Variants in PRIM2 observed in about 807,000 individuals in gnomAD.
PRIM2 encodes the protein DNA primase large subunit.
In PRIM2, 39 loss-of-function variants were observed where a neutral mutation model predicts 67.3. That is an observed-to-expected ratio of 0.58 (90% confidence interval 0.45 to 0.76). The LOEUF is 0.76. Ranked by LOEUF, PRIM2 falls within the 30% of genes least tolerant of loss-of-function variation. The pLI is 0.00. For missense variants in PRIM2, 398 were observed against 598.7 expected (o/e 0.66, Z 3.50); for synonymous variants, 143 against 198.7 (o/e 0.72, Z 2.36).
At chr6:57,517,306 A>G (rs1347321519) in intron 8 of PRIM2, among the ~76,000 whole-genome samples, 17 of 152,310 alleles carry the variant, frequency 1.1e-4, no homozygotes, top group African/African-American at 3.6e-4. Flanking sequence ...TAATGATGTT[A>G]TGGGAAATAA....
At chr6:57,614,864 A>ATATATATGTGTGTGTGTGTGTGTG (rs1164957758) in intron 12 of PRIM2, among the ~76,000 whole-genome samples, 1 of 150,746 alleles carries the variant, frequency 6.6e-6, no homozygotes, top group African/African-American at 2.4e-5. Flanking sequence ...ATATATATAT[A>ATATATATGTGTGTGTGTGTGTGTG]TGTATGTGTG....
At chr6:57,274,594 G>A in the PRIM2 span, among the ~76,000 whole-genome samples, 7 of 152,348 alleles carry the variant, frequency 4.6e-5, no homozygotes, top group African/African-American at 1.4e-4. Context: ...GCGAAGCCTC[G>A]CCCTGCTTTG....
chr6:57,543,417 C>T (rs1775219416), intron 10 of PRIM2, among the ~76,000 whole-genome samples: 1 of 152,110 alleles, frequency 6.6e-6, no homozygotes, highest in Admixed American at 6.5e-5. Context: ...TGGAATTTTT[C>T]TGTACTATTG....
the PRIM2 span, among the ~76,000 whole-genome samples, chr6:57,236,339 T>TTAC: frequency 6.8e-6 from 1 of 147,652 alleles, no homozygotes; most frequent in Non-Finnish European, 1.5e-5. Flanking sequence ...TCCCAATTCA[T>TTAC]TATTATTATT....
the PRIM2 span, among the ~76,000 whole-genome samples, chr6:57,273,735 GT>G: frequency 1.3e-5 from 2 of 152,112 alleles, no homozygotes; most frequent in Admixed American, 6.5e-5. Context: ...TTTCTGCTCT[GT>G]TTTTTCCCCA....
intron 7 of PRIM2, among the ~76,000 whole-genome samples, chr6:57,415,039 GGCAGGATTTTTGA>G (rs1352494630): frequency 1.3e-5 from 2 of 152,040 alleles, no homozygotes; most frequent in Non-Finnish European, 2.9e-5. Flanking sequence ...AGTGGTTTAA[GGCAGGATTTTTGA>G]TGTAAGTGAC....
At chr6:57,414,259 T>A (rs6910154) in intron 7 of PRIM2, among the ~76,000 whole-genome samples, 2 of 141,558 alleles carry the variant, frequency 1.4e-5, no homozygotes, top group Admixed American at 7.2e-5. Context: ...TGATACTTAT[T>A]TGAAGAACAT....
chr6:57,524,528 C>G (rs1395831578), intron 8 of PRIM2, among the ~76,000 whole-genome samples: 4 of 152,018 alleles, frequency 2.6e-5, no homozygotes, highest in East Asian at 1.9e-4. Flanking sequence ...ATGGAGAAAT[C>G]CCGTCTCTAC....
chr6:57,242,992 A>G, the PRIM2 span, among the ~76,000 whole-genome samples: 1 of 152,250 alleles, frequency 6.6e-6, no homozygotes, highest in Non-Finnish European at 1.5e-5. Context: ...ATGTTCTCCA[A>G]TTCGATATCA....
At chr6:57,564,648 G>A (rs1775701452) in intron 10 of PRIM2, among the ~76,000 whole-genome samples, 1 of 152,090 alleles carries the variant, frequency 6.6e-6, no homozygotes, top group African/African-American at 2.4e-5. Flanking sequence ...AACTTATGAG[G>A]CTACCAGCCC....
At chr6:57,243,955 T>C in the PRIM2 span, among the ~76,000 whole-genome samples, 14 of 152,184 alleles carry the variant, frequency 9.2e-5, no homozygotes, top group African/African-American at 3.1e-4. Flanking sequence ...GGCTGACAGA[T>C]AGAATGGACT....
In PRIM2 at chr6:57,362,948, G is replaced by A. The variant is rs553091244; in HGVS notation, c.460-16953G>A. 1.8e-4 allele frequency among the ~76,000 whole-genome samples: 27 copies of A among 152,276 alleles called. No individual in the cohort carries two copies. In the East Asian group the frequency reaches 4.6e-3, roughly 26 times the overall value. On this transcript the variant is annotated intron_variant, in intron 5 of 13. Transcript: ENST00000615550. Reference sequence around the variant, plus strand: ...GTTTAACTTAGCTCATAGGGAAACCGGGGTGGTGGTGGGTACAAATTTCAG... The same window carrying A: ...GTTTAACTTAGCTCATAGGGAAACCAGGGTGGTGGTGGGTACAAATTTCAG...
At position 57,636,901 on chromosome 6, in the gene PRIM2, G is replaced by A. The variant is rs1306300643; in HGVS notation, c.1299+4700G>A. 2.8e-3 allele frequency among the ~76,000 whole-genome samples: 427 copies of A among 152,232 alleles called. 1 individual carries two copies. Among genetic ancestry groups the A allele is most frequent in the Non-Finnish European group, 4.3e-3 (291 of 68,000 alleles). ...CAGCAGATCTCCCAGCCTAGCATTC[G>A]AGCTCTGTTAAGGGACTGCCTCCTC... is the stretch of plus-strand genomic sequence containing the variant. On this transcript the variant is annotated intron_variant, in intron 13 of 13. Coordinates refer to ENST00000615550, the MANE Select transcript of PRIM2 (RefSeq NM_000947.5).
chr6:57,284,260 T>C, the PRIM2 span, among the ~76,000 whole-genome samples: 1 of 152,190 alleles, frequency 6.6e-6, no homozygotes, highest in African/African-American at 2.4e-5. Flanking sequence ...TGTTTGCATG[T>C]CAGATAAGAC....
intron 7 of PRIM2, among the ~76,000 whole-genome samples, chr6:57,395,655 G>T (rs1235401398): frequency 2.0e-5 from 3 of 151,940 alleles, no homozygotes; most frequent in Non-Finnish European, 2.9e-5. Context: ...TCTTGTTTCA[G>T]TTTCATTTAA....
At chr6:57,640,407 A>C (rs1285911855) in intron 13 of PRIM2, among the ~76,000 whole-genome samples, 2 of 152,166 alleles carry the variant, frequency 1.3e-5, no homozygotes, top group Non-Finnish European at 2.9e-5. Context: ...CAAGAGAAAG[A>C]AATAAAGGGT....
chr6:57,631,931 G>T (rs1777042815), intron 12 of PRIM2, among the ~76,000 whole-genome samples: 1 of 152,144 alleles, frequency 6.6e-6, no homozygotes, highest in Admixed American at 6.5e-5. Context: ...GTCATCTGTG[G>T]TTTAATGCTG....
In PRIM2 at chr6:57,354,077, A is replaced by G. The variant is rs185069092; in HGVS notation, c.460-25824A>G. ...CTTCGTTTCACAAAGAAGGTTGACAAGCTACTTACCTTTCTATGAATGCTT... is the reference window on the plus strand; with the variant it reads ...CTTCGTTTCACAAAGAAGGTTGACAGGCTACTTACCTTTCTATGAATGCTT... On this transcript the variant is annotated intron_variant, in intron 5 of 13. Transcript: ENST00000615550. Among the ~76,000 whole-genome samples the G allele has an allele frequency of 3.1e-3, 470 of 152,318 alleles. 1 individual carries two copies. The highest frequency in any genetic ancestry group is 0.011 in the African/African-American group (448 of 41,574).
chr6:57,563,950 C>G lies in PRIM2; in HGVS notation c.1020+26325C>G, dbSNP rs1296463641. Among the ~76,000 whole-genome samples the G allele has an allele frequency of 9.0e-4, 137 of 152,350 alleles. 1 individual carries two copies. The highest frequency in any genetic ancestry group is 1.4e-3 in the Non-Finnish European group (98 of 68,032). On this transcript the variant is annotated intron_variant, in intron 10 of 13. Transcript: ENST00000615550. ...CTGGGATTACAGGCGTGAGCTGATG[C>G]GTACAGCCGGCCTTAGCTTTTTAAA... is the stretch of plus-strand genomic sequence containing the variant.
Sources: gnomAD v4.1 joint callset for allele counts (sites outside exome capture counted in the v4.1 genomes callset) on GRCh38, gnomAD v4.1.1 for gene constraint, MANE v1.5 for transcripts, NCBI Gene and HGNC (gene_info 2026-07-23, HGNC 2026-07-21) for gene names.